The following XKR6 variants were observed in gnomAD, a reference collection of about 807,000 sequenced individuals.
The protein encoded by XKR6 is XK-related protein 6.
Under a neutral mutation model 56.7 loss-of-function variants are expected in XKR6, and 22 were observed. The ratio of observed to expected loss-of-function variants is 0.39; its 90% CI spans 0.28 to 0.55. The LOEUF is 0.55. Among genes scored for constraint, XKR6 ranks in the 20% least tolerant of loss-of-function variants. The probability of loss-of-function intolerance (pLI) is 0.66; values close to 1 mark genes in which losing one functional copy is unlikely to be tolerated. For synonymous variants in XKR6, 524 were observed against 387.8 expected (o/e 1.35, Z -4.13); for missense variants, 852 against 889.0 (o/e 0.96, Z 0.53).
chr8:10,978,150 C>T (rs1196637219), intron 1 of XKR6, among the ~76,000 whole-genome samples: 1 of 152,128 alleles, frequency 6.6e-6, no homozygotes, highest in Admixed American at 6.5e-5. Flanking sequence ...CCTAGCCCCA[C>T]CCCCATTACC....
chr8:11,004,145 G>C (rs1005950718), intron 1 of XKR6, among the ~76,000 whole-genome samples: 9 of 152,166 alleles, frequency 5.9e-5, no homozygotes, highest in African/African-American at 2.2e-4. Flanking sequence ...GGGAGTCTTG[G>C]GCTGGGGCAG....
At chr8:10,914,643 T>C (rs1256882172) in intron 2 of XKR6, among the ~76,000 whole-genome samples, 2 of 152,176 alleles carry the variant, frequency 1.3e-5, no homozygotes, top group African/African-American at 4.8e-5. Context: ...GAAGATGAGA[T>C]TGGAGAGATC....
chr8:11,009,793 T>A (rs944751500), intron 1 of XKR6, among the ~76,000 whole-genome samples: 1 of 152,222 alleles, frequency 6.6e-6, no homozygotes, highest in Non-Finnish European at 1.5e-5. Flanking sequence ...GGACTTTAAT[T>A]AACACTAATG....
chr8:11,041,509 T>C (rs1799285685), intron 1 of XKR6, among the ~76,000 whole-genome samples: 1 of 151,560 alleles, frequency 6.6e-6, no homozygotes, highest in Non-Finnish European at 1.5e-5. Context: ...TGAGTCAAGA[T>C]CTTGCCACTG....
chr8:11,086,157 T>TTTTTTTTA (rs1491345169), intron 1 of XKR6, among the ~76,000 whole-genome samples: 223 of 148,006 alleles, frequency 1.5e-3, no homozygotes, highest in African/African-American at 5.3e-3. Context: ...TATTTTTTTT[T>TTTTTTTTA]AAAAAAAACA....
chr8:11,111,737 G>C (rs1329582158), intron 1 of XKR6: 1 of 152,132 alleles, frequency 6.6e-6, no homozygotes, highest in East Asian at 1.9e-4. Context: ...ATAATTATCT[G>C]TTATTAGATA....
intron 1 of XKR6, among the ~76,000 whole-genome samples, chr8:11,168,072 C>T (rs1450467831): frequency 1.3e-5 from 2 of 152,002 alleles, no homozygotes; most frequent in African/African-American, 4.8e-5. Flanking sequence ...AAGCAAACCT[C>T]GGTGAAAGAG....
chr8:11,085,753 C>T (rs1357862305), intron 1 of XKR6, among the ~76,000 whole-genome samples: 5 of 152,130 alleles, frequency 3.3e-5, no homozygotes, highest in South Asian at 2.1e-4. Flanking sequence ...TCAGCATGGC[C>T]CTGGGACAGC....
At chr8:10,978,550 T>C (rs562936286) in intron 1 of XKR6, among the ~76,000 whole-genome samples, 1 of 152,322 alleles carries the variant, frequency 6.6e-6, no homozygotes, top group Non-Finnish European at 1.5e-5. Flanking sequence ...TAGGGTCTCG[T>C]GCATTCTCCT....
At chr8:11,076,786 AG>A (rs1247850833) in intron 1 of XKR6, among the ~76,000 whole-genome samples, 1 of 152,212 alleles carries the variant, frequency 6.6e-6, no homozygotes, top group Non-Finnish European at 1.5e-5. Flanking sequence ...GGGCCCGCAG[AG>A]GACAGGCAGT....
At chr8:10,958,432 G>C (rs1041084624) in intron 1 of XKR6, among the ~76,000 whole-genome samples, 7 of 152,218 alleles carry the variant, frequency 4.6e-5, no homozygotes, top group Admixed American at 3.9e-4. Context: ...CCCAGTTGGT[G>C]CTGCCATTCT....
chr8:11,200,558 A>G lies in XKR6; in HGVS notation c.764+18T>C. On this transcript the variant is annotated intron_variant, in intron 1 of 2. Transcript: ENST00000416569. The surrounding 1 kb of genome is among the most constrained non-coding windows in gnomAD (Gnocchi z 6.4). ...GGCTCCTCAGGGCCGGCCCGCCCCC[A>G]CCCCGCAGTGCTCTTACCTCCACAC... 2 of 1,435,308 alleles carry G rather than the reference A, an allele frequency of 1.4e-6. No individual in the cohort carries two copies. The highest frequency in any genetic ancestry group is 1.8e-6 in the Non-Finnish European group (2 of 1,102,820). The allele number at this position is 1,435,308 out of a possible 1,614,324, so 88.9% of individuals were successfully genotyped here.
At chr8:11,197,060 G>C (rs1181511161) in intron 1 of XKR6, among the ~76,000 whole-genome samples, 2 of 152,174 alleles carry the variant, frequency 1.3e-5, no homozygotes, top group African/African-American at 4.8e-5. Context: ...CAACTGGATG[G>C]TGCCATTATA....
chr8:11,138,371 C>T (rs1800513430), intron 1 of XKR6: 1 of 152,282 alleles, frequency 6.6e-6, no homozygotes, highest in Admixed American at 6.5e-5. Flanking sequence ...AGAAACATCA[C>T]CACATTTTAT....
At chr8:10,997,344 T>C (rs917151639) in intron 1 of XKR6, among the ~76,000 whole-genome samples, 2 of 152,170 alleles carry the variant, frequency 1.3e-5, no homozygotes, top group African/African-American at 4.8e-5. Context: ...CCACTGTTAC[T>C]ATTTCCATTG....
chr8:11,054,578 C>T (rs758784329), intron 1 of XKR6, among the ~76,000 whole-genome samples: 16 of 152,240 alleles, frequency 1.1e-4, no homozygotes, highest in Non-Finnish European at 1.9e-4. Flanking sequence ...CGCATGCCTG[C>T]CTCATAGGGC....
Position 11,017,252 on chromosome 8 carries a change from G to T in XKR6, c.765-92422C>A, listed in dbSNP as rs999278053. Among the ~76,000 whole-genome samples, 4 of 152,330 alleles carry T rather than the reference G, an allele frequency of 2.6e-5. No individual in the cohort carries two copies. The East Asian group carries it at 7.7e-4, about 29-fold the overall frequency. Reference sequence around the variant, plus strand: ...TGGGTAGATAGGAGGTAGATGGATGGATATGCGTATAGATATAGGTATATG... The same window carrying T: ...TGGGTAGATAGGAGGTAGATGGATGTATATGCGTATAGATATAGGTATATG... On this transcript the variant is annotated intron_variant, in intron 1 of 2. Transcript: ENST00000416569.
chr8:10,937,362 C>T (rs1021100545), intron 1 of XKR6, among the ~76,000 whole-genome samples: 17 of 149,570 alleles, frequency 1.1e-4, no homozygotes, highest in African/African-American at 3.4e-4. Context: ...TCCCGTAGCT[C>T]AGAGTAATTT....
intron 1 of XKR6, among the ~76,000 whole-genome samples, chr8:11,045,611 CA>C (rs1294752032): frequency 6.6e-6 from 1 of 152,180 alleles, no homozygotes; most frequent in Non-Finnish European, 1.5e-5. Context: ...TTAAATTAAA[CA>C]ATGTGTGTAT....
Sources: allele counts gnomAD v4.1 joint callset (sites outside exome capture counted in the v4.1 genomes callset), GRCh38; gene constraint gnomAD v4.1.1; non-coding constraint Gnocchi (gnomAD v3.1); transcripts MANE v1.5; gene names NCBI Gene and HGNC (gene_info 2026-07-23, HGNC 2026-07-21).